Variants in VEPH1 observed in about 807,000 individuals in gnomAD.
VEPH1 encodes the protein ventricular zone expressed PH domain containing 1, also known as ventricular zone-expressed PH domain-containing protein homolog 1.
A neutral mutation model predicts 85.2 loss-of-function variants in VEPH1; 80 were observed. The observed-to-expected ratio is 0.94, with a 90% CI of 0.78 to 1.13. The LOEUF (loss-of-function observed/expected upper bound fraction) is 1.13. VEPH1 is among the 50% of genes most tolerant of loss of function. The pLI, the probability that VEPH1 is intolerant of heterozygous loss-of-function variation, is 0.00. For missense variants in VEPH1, 955 were observed against 980.5 expected (o/e 0.97, Z 0.35); for synonymous variants, 297 against 348.0 (o/e 0.85, Z 1.63).
chr3:157,372,412 C>T (rs1727608490), intron 7 of VEPH1, among the ~76,000 whole-genome samples: 1 of 152,204 alleles, frequency 6.6e-6, no homozygotes, highest in Non-Finnish European at 1.5e-5. Flanking sequence ...CAAAGTTTAT[C>T]TAACAGCCTT....
chr3:157,468,137 T>G (rs1360195061), intron 3 of VEPH1, among the ~76,000 whole-genome samples: 1 of 152,196 alleles, frequency 6.6e-6, no homozygotes, highest in South Asian at 2.1e-4. Flanking sequence ...CTTCTCACTC[T>G]ACTTAGCCTA....
chr3:157,459,581 T>C, intron 4 of VEPH1: 1 of 1,148,598 alleles, frequency 8.7e-7, no homozygotes, highest in Non-Finnish European at 1.1e-6. Flanking sequence ...GTTTTTTGAT[T>C]GATCTGAAAC....
At chr3:157,501,143 A>T (rs1740064957) in intron 1 of VEPH1, among the ~76,000 whole-genome samples, 1 of 152,130 alleles carries the variant, frequency 6.6e-6, no homozygotes, top group South Asian at 2.1e-4. Context: ...AGAGCTAAAG[A>T]TGTTTAGGTT....
At chr3:157,473,756 A>T (rs1383640160) in intron 2 of VEPH1, among the ~76,000 whole-genome samples, 1 of 152,118 alleles carries the variant, frequency 6.6e-6, no homozygotes, top group East Asian at 1.9e-4. Flanking sequence ...TTTGGGTGAG[A>T]GATTTTATAA....
chr3:157,495,312 T>A lies in VEPH1; in HGVS notation c.38A>T (p.Asp13Val), dbSNP rs757028210. Residue 13 changes from aspartate to valine, a missense_variant, in exon 2 of 14, where the codon GAT becomes GTT. Asp to Val is a radical substitution (Grantham distance 152). Transcript: ENST00000362010. Reference sequence around the variant, plus strand: ...GAAGAGGTCCCCAGCTCGTGAAAGATCTTTTTGTCCCAAAACCAGTCTGAA... The same window carrying A: ...GAAGAGGTCCCCAGCTCGTGAAAGAACTTTTTGTCCCAAAACCAGTCTGAA... ...QLFRLVLGQK[D>V]LSRAGDLFSL... 5 of 1,613,958 alleles carry A rather than the reference T, an allele frequency of 3.1e-6. No individual in the cohort carries two copies. Among genetic ancestry groups the A allele is most frequent in the Admixed American group, 1.7e-5 (1 of 60,008 alleles).
At chr3:157,426,539 C>T (rs1329244512) in intron 5 of VEPH1, among the ~76,000 whole-genome samples, 1 of 152,178 alleles carries the variant, frequency 6.6e-6, no homozygotes, top group Non-Finnish European at 1.5e-5. Context: ...CTTGATGAAA[C>T]TACTGTGGTT....
At chr3:157,387,565 T>C (rs147307761) in intron 6 of VEPH1, among the ~76,000 whole-genome samples, 24 of 152,338 alleles carry the variant, frequency 1.6e-4, no homozygotes, top group African/African-American at 5.5e-4. Flanking sequence ...AAAAACCATT[T>C]AGGGCAGCTC....
intron 7 of VEPH1, among the ~76,000 whole-genome samples, chr3:157,365,874 T>G (rs1213834954): frequency 1.3e-5 from 2 of 152,160 alleles, no homozygotes; most frequent in East Asian, 3.9e-4. Flanking sequence ...TAGGGGTTAT[T>G]ATGACGGTTT....
At chr3:157,352,840 G>A (rs1725010283) in intron 9 of VEPH1, among the ~76,000 whole-genome samples, 1 of 152,134 alleles carries the variant, frequency 6.6e-6, no homozygotes, top group Non-Finnish European at 1.5e-5. Context: ...TTTAAGCTGT[G>A]GAATTCTTGG....
At chr3:157,388,498 A>C (rs943159020) in intron 6 of VEPH1, among the ~76,000 whole-genome samples, 1 of 152,118 alleles carries the variant, frequency 6.6e-6, no homozygotes, top group Non-Finnish European at 1.5e-5. Context: ...ATCATGGGCA[A>C]ATCAGGACAG....
At chr3:157,268,895 A>G (rs1370291163) in intron 12 of VEPH1, among the ~76,000 whole-genome samples, 1 of 151,944 alleles carries the variant, frequency 6.6e-6, no homozygotes, top group Non-Finnish European at 1.5e-5. Context: ...CCACAGGTGC[A>G]CACCACCACA....
chr3:157,465,028 TA>T (rs1736231672), intron 3 of VEPH1, among the ~76,000 whole-genome samples: 1 of 152,264 alleles, frequency 6.6e-6, no homozygotes, highest in East Asian at 1.9e-4. Flanking sequence ...TTCTGACAGG[TA>T]ATAGGGAGCA....
rs1334168045 is a variant in VEPH1, at chr3:157,259,998, TTCA to T, written c.*1133_*1135del. The stretch of plus-strand genomic sequence containing the variant: ...AATAGGAGAGAGAGTCTCTGACTGG[TTCA>T]CTCTCTTTTAAAGGACTAGTCTGAT... On this transcript the variant is annotated 3_prime_UTR_variant, in exon 14 of 14. Coordinates refer to ENST00000362010, the MANE Select transcript of VEPH1 (RefSeq NM_001167912.2). The T allele has an allele frequency of 1.3e-5, 2 of 152,136 alleles. No individual in the cohort carries two copies. Among genetic ancestry groups the T allele is most frequent in the Non-Finnish European group, 2.9e-5 (2 of 68,012 alleles). 9.4% of individuals were successfully genotyped at this position (152,136 alleles called of 1,614,324 possible). A position where few individuals can be genotyped will look rare whatever the true frequency, so the allele number is the denominator to read the frequency against.
chr3:157,313,493 T>C, intron 11 of VEPH1, 128 bp downstream of exon 11: 2 of 1,141,654 alleles, frequency 1.8e-6, no homozygotes, highest in Non-Finnish European at 2.4e-6. Context: ...CTTACAAGTG[T>C]TTTATGATAA....
chr3:157,284,003 G>T lies in VEPH1; in HGVS notation c.2128+2554C>A, dbSNP rs567144333. Reference sequence around the variant, plus strand: ...CAGTTGGGCATAGTACATTCTAGGCGCTAAGACAGGCAGGTAAGTGGATCA... The same window carrying T: ...CAGTTGGGCATAGTACATTCTAGGCTCTAAGACAGGCAGGTAAGTGGATCA... On this transcript the variant is annotated intron_variant, in intron 12 of 13. Coordinates refer to ENST00000362010, the MANE Select transcript of VEPH1 (RefSeq NM_001167912.2). 9.2e-5 allele frequency among the ~76,000 whole-genome samples: 14 copies of T among 152,274 alleles called. No individual in the cohort carries two copies. In the South Asian group the frequency reaches 2.9e-3, roughly 32 times the overall value.
rs147644993 is a variant in VEPH1 at position 157,381,277 on chromosome 3, C to T, written c.1006G>A (p.Asp336Asn). Residue 336 changes from aspartate (D) to asparagine (N), a missense_variant, in exon 7 of 14, where the codon GAC (aspartate) becomes AAC (asparagine). By Grantham distance (23) the Asp-to-Asn change is conservative (BLOSUM62 1). Transcript: ENST00000362010. ...ILLLEIKSIT[D>N]TFSSILGPQS... ...GGGCCCAAGATTGAGGAGAAGGTGT[C>T]GGTGATGCTTTTAATCTCCAGCAGG... 4,202 of 1,614,086 alleles carry T rather than the reference C, an allele frequency of 2.6e-3. 31 individuals are homozygous for T. The highest frequency in any genetic ancestry group is 0.014 in the South Asian group (1,291 of 91,056).
intron 6 of VEPH1, among the ~76,000 whole-genome samples, chr3:157,391,532 TGG>T (rs2108921175): frequency 6.6e-6 from 1 of 152,310 alleles, no homozygotes; most frequent in South Asian, 2.1e-4. Context: ...ACCAGCGGCA[TGG>T]CTGCACAGAC....
At chr3:157,498,737 T>C in intron 1 of VEPH1, among the ~76,000 whole-genome samples, 1 of 152,208 alleles carries the variant, frequency 6.6e-6, no homozygotes, top group East Asian at 1.9e-4. Flanking sequence ...ATTAATATTT[T>C]GCTCAGGTGT....
At chr3:157,415,711 CCACTACA>C (rs1289043035) in intron 5 of VEPH1, among the ~76,000 whole-genome samples, 4 of 152,250 alleles carry the variant, frequency 2.6e-5, no homozygotes, top group African/African-American at 9.6e-5. Context: ...AGTCCAGTTC[CCACTACA>C]CATCACACAT....
Sources: gnomAD v4.1 joint callset for allele counts (sites outside exome capture counted in the v4.1 genomes callset) on GRCh38, gnomAD v4.1.1 for gene constraint, MANE v1.5 for transcripts, NCBI Gene and HGNC (gene_info 2026-07-23, HGNC 2026-07-21) for gene names.